MINDY3: variants seen among roughly 807,000 people sequenced by gnomAD.
MINDY3 encodes the protein MINDY lysine 48 deubiquitinase 3.
In MINDY3, 38 loss-of-function variants were observed where a neutral mutation model predicts 69.2. The observed-to-expected ratio is 0.55, with a 90% confidence interval of 0.42 to 0.72. MINDY3 has a LOEUF of 0.72. MINDY3 is among the 30% of genes least tolerant of loss of function. The pLI is 0.00. For missense variants in MINDY3, 522 were observed against 519.0 expected (o/e 1.01, Z -0.06); for synonymous variants, 192 against 180.1 (o/e 1.07, Z -0.53).
intron 9 of MINDY3, among the ~76,000 whole-genome samples, chr10:15,821,341 T>A (rs1215151536): frequency 6.6e-6 from 1 of 152,242 alleles, no homozygotes; most frequent in African/African-American, 2.4e-5. Context: ...CAGTGCTTTC[T>A]TCATCCTCAT....
At chr10:15,834,673 GTTT>G in intron 6 of MINDY3, 57 bp from the exon 7 acceptor site, 1 of 1,191,232 alleles carries the variant, frequency 8.4e-7, no homozygotes, top group Non-Finnish European at 1.2e-6. Context: ...AATTATGACT[GTTT>G]AAAAACTGAC....
chr10:15,815,048 T>G (rs1471988595), intron 10 of MINDY3, among the ~76,000 whole-genome samples: 2 of 152,234 alleles, frequency 1.3e-5, no homozygotes, highest in Non-Finnish European at 2.9e-5. Flanking sequence ...TTCATATAAT[T>G]AGTTTTCCTT....
At chr10:15,823,268 G>A (rs1047685923) in intron 8 of MINDY3, among the ~76,000 whole-genome samples, 1 of 152,156 alleles carries the variant, frequency 6.6e-6, no homozygotes, top group Non-Finnish European at 1.5e-5. Flanking sequence ...CTTCAATTGT[G>A]GTTTAGGATT....
At chr10:15,819,420 T>C (rs546039778) in intron 9 of MINDY3, among the ~76,000 whole-genome samples, 5 of 152,328 alleles carry the variant, frequency 3.3e-5, no homozygotes, top group South Asian at 2.1e-4. Flanking sequence ...TTGCAAAAGA[T>C]AGCTAATTAA....
intron 8 of MINDY3, among the ~76,000 whole-genome samples, chr10:15,830,139 A>G (rs1470177727): frequency 1.3e-5 from 2 of 152,242 alleles, no homozygotes; most frequent in Non-Finnish European, 2.9e-5. Context: ...GGCAAGCTGC[A>G]TAACCAATGT....
chr10:15,845,727 G>T (rs140038806), intron 2 of MINDY3, among the ~76,000 whole-genome samples: 2,503 of 147,778 alleles, frequency 0.017, 52 homozygotes, highest in African/African-American at 0.056. Flanking sequence ...GCCTGGTTTT[G>T]AACTCCTGGC....
At chr10:15,850,395 T>A (rs1834197214) in intron 1 of MINDY3, among the ~76,000 whole-genome samples, 1 of 152,078 alleles carries the variant, frequency 6.6e-6, no homozygotes, top group Non-Finnish European at 1.5e-5. Context: ...CAGAACAGAG[T>A]CATATTTCTC....
intron 1 of MINDY3, among the ~76,000 whole-genome samples, chr10:15,849,338 G>A (rs1834102759): frequency 6.6e-6 from 1 of 152,154 alleles, no homozygotes; most frequent in African/African-American, 2.4e-5. Flanking sequence ...GGAGGTGCCA[G>A]CAAATGGGCG....
At chr10:15,824,651 A>G (rs928353845) in intron 8 of MINDY3, among the ~76,000 whole-genome samples, 3 of 152,294 alleles carry the variant, frequency 2.0e-5, no homozygotes, top group Middle Eastern at 3.4e-3. Context: ...TTTTCATGTA[A>G]AAAAGAATAC....
intron 10 of MINDY3, among the ~76,000 whole-genome samples, chr10:15,816,156 G>A (rs1027997121): frequency 7.3e-5 from 11 of 151,228 alleles, no homozygotes; most frequent in Admixed American, 5.9e-4. Context: ...AGCTACTCGG[G>A]AGGCTGAAGT....
chr10:15,832,790 TTAA>T (rs1194434588), intron 8 of MINDY3, among the ~76,000 whole-genome samples: 12 of 152,202 alleles, frequency 7.9e-5, no homozygotes, highest in African/African-American at 2.9e-4. Context: ...CATGTTTCTG[TTAA>T]TTAACTACAC....
rs1358181395 is a variant in MINDY3 at position 15,848,664 on chromosome 10, AAAG to A, written c.95-724_95-722del. On this transcript the variant is annotated intron_variant, in intron 1 of 14. Transcript: ENST00000277632. ...AAAAAAAAAAAAAAAAAAAAAAAAGAAAGAAAAATTAAATGGCATTGTAGACAG... is the reference window on the plus strand; with the variant it reads ...AAAAAAAAAAAAAAAAAAAAAAAAGAAAAAATTAAATGGCATTGTAGACAG... Among the ~76,000 whole-genome samples the A allele has an allele frequency of 7.7e-3, 697 of 90,880 alleles. 88 individuals are homozygous for A. The highest frequency in any genetic ancestry group is 0.03 in the African/African-American group (650 of 21,766). The allele number at this position is 90,880 out of a possible 152,430, so 59.6% of individuals were successfully genotyped here.
rs140322683 is a variant in MINDY3 at position 15,809,430 on chromosome 10, C to T, written c.882+7405G>A. Among the ~76,000 whole-genome samples the T allele has an allele frequency of 7.2e-5, 11 of 152,236 alleles. No homozygotes were observed. In the East Asian group the frequency reaches 1.5e-3, roughly 21 times the overall value. Reference sequence around the variant, plus strand: ...TTTCTTTTTACCTGTGCAGTAGGTTCGCATGTTTTCAAGTAACCTCAATGA... The same window carrying T: ...TTTCTTTTTACCTGTGCAGTAGGTTTGCATGTTTTCAAGTAACCTCAATGA... On this transcript the variant is annotated intron_variant, in intron 10 of 14. Transcript: ENST00000277632.
At chr10:15,842,927 C>T (rs985544713) in intron 3 of MINDY3, among the ~76,000 whole-genome samples, 3 of 140,326 alleles carry the variant, frequency 2.1e-5, no homozygotes, top group African/African-American at 7.6e-5. Flanking sequence ...AAAAAAAAGA[C>T]TGTTCTTTAT....
intron 8 of MINDY3, among the ~76,000 whole-genome samples, chr10:15,829,311 A>G (rs770854715): frequency 6.6e-6 from 1 of 152,196 alleles, no homozygotes; most frequent in Non-Finnish European, 1.5e-5. Flanking sequence ...AGCCGTCTGA[A>G]TAGAACAGTG....
intron 10 of MINDY3, 129 bp downstream of exon 10, chr10:15,816,706 A>G: frequency 3.0e-6 from 2 of 670,160 alleles, no homozygotes; most frequent in South Asian, 3.6e-5. Flanking sequence ...TTAGTTTTTG[A>G]GATTTTTGAA....
chr10:15,786,820 C>T (rs1337101387), intron 12 of MINDY3, among the ~76,000 whole-genome samples, 172 bp from the exon 13 acceptor site: 1 of 152,062 alleles, frequency 6.6e-6, no homozygotes, highest in African/African-American at 2.4e-5. Context: ...ATTTGCCAAA[C>T]TTGGTTATTT....
chr10:15,789,652 A>T (rs1837264704), intron 11 of MINDY3, among the ~76,000 whole-genome samples: 1 of 152,154 alleles, frequency 6.6e-6, no homozygotes, highest in South Asian at 2.1e-4. Flanking sequence ...ATCTTTCAAT[A>T]AACAAAGTAA....
chr10:15,797,438 T>C (rs1378043806), intron 10 of MINDY3, among the ~76,000 whole-genome samples: 1 of 152,168 alleles, frequency 6.6e-6, no homozygotes, highest in African/African-American at 2.4e-5. Context: ...ATTTTGCTGA[T>C]AATGTATACG....
Sources: allele counts gnomAD v4.1 joint callset (sites outside exome capture counted in the v4.1 genomes callset), GRCh38; gene constraint gnomAD v4.1.1; transcripts MANE v1.5; gene names NCBI Gene and HGNC (gene_info 2026-07-23, HGNC 2026-07-21).